SLC7A1: variants seen among roughly 807,000 people sequenced by gnomAD.
SLC7A1 encodes solute carrier family 7 member 1.
SLC7A1 carries 10 observed loss-of-function variants against 53.9 expected under a neutral mutation model. That is an observed-to-expected ratio of 0.19 (90% CI 0.11 to 0.31). SLC7A1 has a LOEUF of 0.31. Ranked by LOEUF, SLC7A1 falls within the 10% of genes least tolerant of loss-of-function variation. SLC7A1 has a pLI of 1.00. For synonymous variants in SLC7A1, 342 were observed against 338.7 expected, an observed-to-expected ratio of 1.01 and a Z score of -0.11; for missense variants, 525 against 827.2, an observed-to-expected ratio of 0.63 and a Z score of 4.48.
chr13:29,561,936 C>T (rs978730255), intron 1 of SLC7A1, among the ~76,000 whole-genome samples: 2 of 152,220 alleles, frequency 1.3e-5, no homozygotes, highest in African/African-American at 2.4e-5. Flanking sequence ...TGTCCTTGAG[C>T]CTTCCAGTCC....
chr13:29,593,090 G>T (rs918481759), intron 1 of SLC7A1, among the ~76,000 whole-genome samples: 2 of 152,174 alleles, frequency 1.3e-5, no homozygotes, highest in African/African-American at 4.8e-5. Context: ...GCACCTGAGA[G>T]GGGCCCCAAG....
At position 29,590,000 on chromosome 13, in the gene SLC7A1, G is replaced by A. The variant is rs930126927; in HGVS notation, c.-115+5416C>T. On this transcript the variant is annotated intron_variant, in intron 1 of 12. Transcript: ENST00000380752. ...CAATGATTGATCTTACCTAGCCCCAGGGCCCCTCCCTTCCTTCCTACTTGG... is the reference window on the plus strand; with the variant it reads ...CAATGATTGATCTTACCTAGCCCCAAGGCCCCTCCCTTCCTTCCTACTTGG... Among the ~76,000 whole-genome samples, 5 of 152,234 alleles carry A rather than the reference G, an allele frequency of 3.3e-5. No individual in the cohort carries two copies. The East Asian group carries it at 9.6e-4, about 29-fold the overall frequency.
chr13:29,578,452 C>T (rs1002612302), intron 1 of SLC7A1, among the ~76,000 whole-genome samples: 3 of 152,014 alleles, frequency 2.0e-5, no homozygotes, highest in South Asian at 2.1e-4. Flanking sequence ...CTGTCATCGG[C>T]AGGATCACAT....
intron 1 of SLC7A1, among the ~76,000 whole-genome samples, chr13:29,589,124 G>C (rs1418757388): frequency 6.6e-6 from 1 of 152,190 alleles, no homozygotes; most frequent in Non-Finnish European, 1.5e-5. Context: ...CAGCCTCTCT[G>C]AGAGTGTTAA....
intron 1 of SLC7A1, among the ~76,000 whole-genome samples, chr13:29,570,238 C>G: frequency 6.6e-6 from 1 of 152,318 alleles, no homozygotes; most frequent in South Asian, 2.1e-4. Context: ...GAGGAGGCCA[C>G]GGCCTGCCAC....
intron 1 of SLC7A1, among the ~76,000 whole-genome samples, chr13:29,575,294 C>A (rs280922): frequency 0.8 from 121,426 of 152,172 alleles, 50,557 homozygotes; most frequent in Middle Eastern, 0.94. Flanking sequence ...ATTTCTCTTG[C>A]TCTGTGCTGG....
At chr13:29,564,604 T>C (rs138894904) in intron 1 of SLC7A1, among the ~76,000 whole-genome samples, 8 of 152,290 alleles carry the variant, frequency 5.3e-5, no homozygotes, top group Non-Finnish European at 1.0e-4. Flanking sequence ...CAAGTTTAAT[T>C]AGATGCAAGG....
intron 2 of SLC7A1, among the ~76,000 whole-genome samples, chr13:29,548,308 C>T (rs889825171): frequency 2.6e-5 from 4 of 152,242 alleles, no homozygotes; most frequent in African/African-American, 9.6e-5. Context: ...AGGAGCTATA[C>T]ATTGGAAGGA....
At chr13:29,542,344 A>G (rs1327785189) in intron 2 of SLC7A1, among the ~76,000 whole-genome samples, 1 of 152,030 alleles carries the variant, frequency 6.6e-6, no homozygotes, top group African/African-American at 2.4e-5. Flanking sequence ...AATCCCAGCT[A>G]CCCGGGAGGC....
intron 1 of SLC7A1, among the ~76,000 whole-genome samples, chr13:29,564,862 T>C (rs927261009): frequency 1.3e-5 from 2 of 152,234 alleles, no homozygotes; most frequent in Non-Finnish European, 2.9e-5. Flanking sequence ...AGAAATACAT[T>C]CTTAGATAAT....
intron 5 of SLC7A1, among the ~76,000 whole-genome samples, chr13:29,529,820 T>C (rs966355601): frequency 6.6e-6 from 1 of 152,182 alleles, no homozygotes; most frequent in African/African-American, 2.4e-5. Flanking sequence ...AAGAATTACA[T>C]GGAGATCTGA....
chr13:29,551,243 A>G (rs1167526114), intron 2 of SLC7A1, among the ~76,000 whole-genome samples: 2 of 152,206 alleles, frequency 1.3e-5, no homozygotes, highest in Non-Finnish European at 2.9e-5. Flanking sequence ...ACAACCACCT[A>G]TTATGCACCT....
chr13:29,511,892 C>CTA lies in SLC7A1; in HGVS notation c.*2586_*2587dup, dbSNP rs1883403166. The stretch of plus-strand genomic sequence containing the variant: ...GCCTCTAGTAATGTGTAAGTTCTGA[C>CTA]TATGTAGGAAAATCCTGGCCAGTGG... On this transcript the variant is annotated 3_prime_UTR_variant, in exon 13 of 13. Transcript: ENST00000380752. 6.6e-6 allele frequency: 1 copy of CTA among 152,014 alleles called. No homozygotes were observed. Among genetic ancestry groups the CTA allele is most frequent in the South Asian group, 2.1e-4 (1 of 4,818 alleles). The allele number at this position is 152,014 out of a possible 1,614,324, so 9.4% of individuals were successfully genotyped here. A position where few individuals can be genotyped will look rare whatever the true frequency, so the allele number is the denominator to read the frequency against.
Position 29,517,501 on chromosome 13 carries a change from C to G in SLC7A1, c.1510+72G>C, listed in dbSNP as rs61495877. 17,866 of 1,353,114 alleles carry G rather than the reference C, an allele frequency of 0.013. 1,632 individuals carry two copies. In the African/African-American group the frequency reaches 0.21, roughly 16 times the overall value. The allele number at this position is 1,353,114 out of a possible 1,614,324, so 83.8% of individuals were successfully genotyped here. ...GCTCATCTTCTCTGGCACCTTCCCC[C>G]AACTCCAGCTCCACTGCCTAGAAAC... On this transcript the variant is annotated intron_variant, in intron 10 of 12. Coordinates refer to ENST00000380752, the MANE Select transcript of SLC7A1 (RefSeq NM_003045.5).
chr13:29,553,632 C>T (rs1870300914), intron 2 of SLC7A1, 129 bp downstream of exon 2: 2 of 152,292 alleles, frequency 1.3e-5, no homozygotes, highest in Admixed American at 6.5e-5. Context: ...AAAAAGAAGA[C>T]AACTGGGGGT....
Position 29,511,718 on chromosome 13 carries a change from C to T in SLC7A1, c.*2762G>A, listed in dbSNP as rs1883397780. On this transcript the variant is annotated 3_prime_UTR_variant, in exon 13 of 13. Coordinates refer to ENST00000380752, the MANE Select transcript of SLC7A1 (RefSeq NM_003045.5). Reference sequence around the variant, plus strand: ...GGGTTTGCTGCTTCATGAATTTGGGCCTTCGGAGGTCATGAACACATGCAG... The same window carrying T: ...GGGTTTGCTGCTTCATGAATTTGGGTCTTCGGAGGTCATGAACACATGCAG... The T allele has an allele frequency of 6.6e-6, 1 of 152,200 alleles. No individual in the cohort carries two copies. Among genetic ancestry groups the T allele is most frequent in the Non-Finnish European group, 1.5e-5 (1 of 68,076 alleles). 9.4% of individuals were successfully genotyped at this position (152,200 alleles called of 1,614,324 possible). A position where few individuals can be genotyped will look rare whatever the true frequency, so the allele number is the denominator to read the frequency against.
At chr13:29,520,242 C>T (rs967598156) in intron 8 of SLC7A1, among the ~76,000 whole-genome samples, 1 of 152,120 alleles carries the variant, frequency 6.6e-6, no homozygotes, top group African/African-American at 2.4e-5. Context: ...TCATTGGGTT[C>T]TAGGTACTCA....
chr13:29,569,963 G>A (rs1383888968), intron 1 of SLC7A1, among the ~76,000 whole-genome samples: 5 of 152,166 alleles, frequency 3.3e-5, no homozygotes, highest in South Asian at 2.1e-4. Flanking sequence ...GGCCACAGAC[G>A]TCCTGGTCAC....
chr13:29,583,444 C>T (rs2139186524), intron 1 of SLC7A1, among the ~76,000 whole-genome samples: 1 of 152,340 alleles, frequency 6.6e-6, no homozygotes, highest in South Asian at 2.1e-4. Flanking sequence ...GAGACTCTTG[C>T]TGGGACCTCT....
Sources: gnomAD v4.1 joint callset for allele counts (sites outside exome capture counted in the v4.1 genomes callset) on GRCh38, gnomAD v4.1.1 for gene constraint, MANE v1.5 for transcripts, NCBI Gene and HGNC (gene_info 2026-07-23, HGNC 2026-07-21) for gene names.